Variants in OXR1 observed in about 807,000 individuals in gnomAD.
OXR1 encodes the protein oxidation resistance protein 1.
Under a neutral mutation model 104.6 loss-of-function variants are expected in OXR1, and 41 were observed. The ratio of observed to expected loss-of-function variants is 0.39; its 90% CI spans 0.31 to 0.51. OXR1 has a LOEUF of 0.51. Among genes scored for constraint, OXR1 ranks in the 20% least tolerant of loss-of-function variants. OXR1 has a pLI of 0.77. For synonymous variants in OXR1, 348 were observed against 348.4 expected (o/e 1.00, Z 0.01); for missense variants, 955 against 1,031.9 (o/e 0.93, Z 1.02).
intron 1 of OXR1, among the ~76,000 whole-genome samples, chr8:106,304,606 AT>A (rs141661417): frequency 0.087 from 13,228 of 152,160 alleles, 663 homozygotes; most frequent in African/African-American, 0.13. Flanking sequence ...TGTCAAAAAT[AT>A]TTTCTTTTCA....
In OXR1 at chr8:106,710,758, A is replaced by G. The variant is rs1831606264; in HGVS notation, c.1761A>G (p.Lys587=). 1.9e-6 allele frequency: 3 copies of G among 1,549,152 alleles called. No individual in the cohort carries two copies. The highest frequency in any genetic ancestry group is 1.9e-5 in the Admixed American group (1 of 52,518). Residue 587 remains lysine (K), a synonymous_variant, in exon 10 of 17, where the codon AAA becomes AAG. Coordinates refer to ENST00000517566, the MANE Select transcript of OXR1 (RefSeq NM_001198533.2). ...TMQQYAQRDK[K]HEYWFAVPQE... is the part of the protein sequence containing the mutation. ...AACAGTATGCACAGAGAGATAAGAAACATGAATATTGGTTTGCTGTGCCAC... is the reference window on the plus strand; with the variant it reads ...AACAGTATGCACAGAGAGATAAGAAGCATGAATATTGGTTTGCTGTGCCAC...
intron 2 of OXR1, among the ~76,000 whole-genome samples, chr8:106,405,180 ATATATATATATATATATATATAGT>A (rs1434513407): frequency 1.5e-3 from 36 of 24,556 alleles, no homozygotes; most frequent in Admixed American, 2.8e-3. Flanking sequence ...ATATATATAT[ATATATATATATATATATATATAGT>A]GTGTGTGTGT....
intron 6 of OXR1, among the ~76,000 whole-genome samples, chr8:106,687,764 T>C (rs1291603365): frequency 2.0e-5 from 3 of 151,842 alleles, no homozygotes; most frequent in Non-Finnish European, 4.4e-5. Context: ...TTCTAGTACC[T>C]GACCAATAAG....
Position 106,288,581 on chromosome 8 carries a change from T to C in OXR1, c.-139+18214T>C, listed in dbSNP as rs560378117. The stretch of plus-strand genomic sequence containing the variant: ...TGTGTATATATATGGTGTGTATATG[T>C]ATATACACACCATATATATACTCTC... On this transcript the variant is annotated intron_variant, in intron 1 of 16. Transcript: ENST00000517566. 4.1e-3 allele frequency among the ~76,000 whole-genome samples: 576 copies of C among 141,882 alleles called. 4 individuals carry two copies. The highest frequency in any genetic ancestry group is 8.6e-3 in the Admixed American group (124 of 14,452). 93.1% of individuals were successfully genotyped at this position (141,882 alleles called of 152,430 possible).
At chr8:106,507,603 C>A (rs1271256673) in intron 2 of OXR1, among the ~76,000 whole-genome samples, 3 of 152,136 alleles carry the variant, frequency 2.0e-5, no homozygotes, top group Non-Finnish European at 4.4e-5. Flanking sequence ...GGAGATGAAG[C>A]TGTGTGCTGA....
At chr8:106,531,902 A>C (rs1378257402) in intron 3 of OXR1, among the ~76,000 whole-genome samples, 1 of 152,188 alleles carries the variant, frequency 6.6e-6, no homozygotes, top group East Asian at 1.9e-4. Context: ...AGCCAAAAAG[A>C]TGCACTTAAG....
chr8:106,362,051 T>G (rs1444325192), intron 2 of OXR1, among the ~76,000 whole-genome samples: 1 of 152,108 alleles, frequency 6.6e-6, no homozygotes, highest in Admixed American at 6.5e-5. Context: ...CAATAGAGGA[T>G]CCACCTGCTA....
intron 2 of OXR1, among the ~76,000 whole-genome samples, chr8:106,439,083 C>G (rs547498626): frequency 5.9e-5 from 9 of 151,978 alleles, no homozygotes; most frequent in Non-Finnish European, 1.3e-4. Flanking sequence ...AATTGTATTT[C>G]TATTTGTGTT....
In OXR1 at chr8:106,630,037, A is replaced by G. The variant is rs116225208; in HGVS notation, c.221-49173A>G. Among the ~76,000 whole-genome samples, 929 of 152,220 alleles carry G rather than the reference A, an allele frequency of 6.1e-3. 11 individuals are homozygous for G. Among genetic ancestry groups the G allele is most frequent in the African/African-American group, 0.021 (866 of 41,540 alleles). Reference sequence around the variant, plus strand: ...TTAGACAAACATTAAAATCTCACCAATTTACCCCCTTTGTCTCTTCTTTAT... The same window carrying G: ...TTAGACAAACATTAAAATCTCACCAGTTTACCCCCTTTGTCTCTTCTTTAT... On this transcript the variant is annotated intron_variant, in intron 3 of 16. Transcript: ENST00000517566.
chr8:106,703,087 C>T lies in OXR1; in HGVS notation c.857C>T (p.Pro286Leu). The T allele has an allele frequency of 6.2e-7, 1 of 1,603,460 alleles. No individual in the cohort carries two copies. Among genetic ancestry groups the T allele is most frequent in the Non-Finnish European group, 8.5e-7 (1 of 1,170,936 alleles). ...GATAGCAAAATAAAGGAATCTTTAC[C>T]CATGTAAGAGTGATATTTATATTCC... ...ILDSKIKESLPIDIDQLSGRD... is the reference protein window; with the variant it reads ...ILDSKIKESLLIDIDQLSGRD... The change falls in exon 8 of 17, where the codon CCC becomes CTC. Residue 286 changes from proline to leucine, a missense_variant. Around this residue, in one of 2 missense-constraint regions of OXR1, gnomAD observed 849 missense variants for 852.9 expected, o/e 1.00. Transcript: ENST00000517566.
chr8:106,716,099 G>A (rs1368118054), intron 11 of OXR1, among the ~76,000 whole-genome samples: 2 of 151,956 alleles, frequency 1.3e-5, no homozygotes. Context: ...AAATATATTA[G>A]GAATAACTTA....
intron 7 of OXR1, chr8:106,697,332 T>C: frequency 1.1e-6 from 1 of 949,572 alleles, no homozygotes; most frequent in Non-Finnish European, 1.6e-6. Context: ...GCTTAAGAGC[T>C]CTGGGGCTCT....
chr8:106,300,894 T>C (rs1813209082), intron 1 of OXR1, among the ~76,000 whole-genome samples: 1 of 152,222 alleles, frequency 6.6e-6, no homozygotes, highest in South Asian at 2.1e-4. Flanking sequence ...GGTATATTTC[T>C]GCAGAAATTA....
At chr8:106,346,588 CT>C (rs528591951) in intron 1 of OXR1, among the ~76,000 whole-genome samples, 9,605 of 146,488 alleles carry the variant, frequency 0.066, 446 homozygotes, top group Middle Eastern at 0.13. Flanking sequence ...AAGAAAATTT[CT>C]TTTTTTTTTT....
intron 1 of OXR1, among the ~76,000 whole-genome samples, chr8:106,311,389 T>G (rs988713490): frequency 5.3e-5 from 8 of 152,208 alleles, no homozygotes; most frequent in Admixed American, 5.2e-4. Flanking sequence ...ATTAGATAAC[T>G]GGTATTTATG....
At chr8:106,385,666 A>C (rs1817343273) in intron 2 of OXR1, among the ~76,000 whole-genome samples, 1 of 152,172 alleles carries the variant, frequency 6.6e-6, no homozygotes, top group Non-Finnish European at 1.5e-5. Flanking sequence ...CTAAAATGTG[A>C]CTTGAAACTG....
chr8:106,630,650 A>C (rs1822599390), intron 3 of OXR1, among the ~76,000 whole-genome samples: 1 of 152,244 alleles, frequency 6.6e-6, no homozygotes, highest in African/African-American at 2.4e-5. Context: ...GTAACATGAT[A>C]GCAGATGAGC....
At chr8:106,274,600 A>ACCCCCCC (rs11322065) in intron 1 of OXR1, among the ~76,000 whole-genome samples, 5 of 108,866 alleles carry the variant, frequency 4.6e-5, no homozygotes, top group Non-Finnish European at 5.7e-5. Flanking sequence ...CAGCAACGCC[A>ACCCCCCC]CCCCCCCCCC....
Position 106,750,924 on chromosome 8 carries a change from A to G in OXR1, c.2605A>G (p.Ile869Val). The G allele has an allele frequency of 6.2e-7, 1 of 1,603,792 alleles. No individual in the cohort carries two copies. The highest frequency in any genetic ancestry group is 8.5e-7 in the Non-Finnish European group (1 of 1,176,758). The change falls in exon 17 of 17, where the codon ATC (isoleucine) becomes GTC (valine). Residue 869 changes from isoleucine (I) to valine (V), a missense_variant. Transcript: ENST00000517566. ...KEDFFIQDIE[I>V]WAFE ...AGATTTCTTTATCCAAGATATTGAA[A>G]TCTGGGCTTTTGAATAAATAAAATG...
Sources: allele counts gnomAD v4.1 joint callset (sites outside exome capture counted in the v4.1 genomes callset), GRCh38; gene constraint gnomAD v4.1.1; regional missense constraint gnomAD v4.1.1; transcripts MANE v1.5; gene names NCBI Gene and HGNC (gene_info 2026-07-23, HGNC 2026-07-21).